The following PIP4K2A variants were observed in gnomAD, a reference collection of about 807,000 sequenced individuals.
PIP4K2A encodes phosphatidylinositol 5-phosphate 4-kinase type-2 alpha.
Under a neutral mutation model 42.9 loss-of-function variants are expected in PIP4K2A, and 14 were observed. That is an observed-to-expected ratio of 0.33 (90% confidence interval 0.22 to 0.51). The LOEUF (loss-of-function observed/expected upper bound fraction) is 0.51. Ranked by LOEUF, PIP4K2A falls within the 20% of genes least tolerant of loss-of-function variation. PIP4K2A has a pLI of 0.97. For missense variants in PIP4K2A, 434 were observed against 519.8 expected (o/e 0.83, Z 1.61); for synonymous variants, 192 against 192.2 (o/e 1.00, Z 0.01).
At chr10:22,551,510 T>C (rs1022983292) in intron 6 of PIP4K2A, among the ~76,000 whole-genome samples, 2 of 152,176 alleles carry the variant, frequency 1.3e-5, no homozygotes, top group Admixed American at 1.3e-4. Flanking sequence ...TATCAAAACA[T>C]GGATCATGAG....
At chr10:22,624,385 C>T (rs1469863844) in intron 1 of PIP4K2A, among the ~76,000 whole-genome samples, 1 of 152,148 alleles carries the variant, frequency 6.6e-6, no homozygotes, top group Non-Finnish European at 1.5e-5. Context: ...AAACACCAGT[C>T]AATATTTGAA....
At chr10:22,563,156 C>T (rs1431547990) in intron 6 of PIP4K2A, among the ~76,000 whole-genome samples, 1 of 152,158 alleles carries the variant, frequency 6.6e-6, no homozygotes, top group Non-Finnish European at 1.5e-5. Context: ...ATTTCCTTTT[C>T]CCCTTCCCAA....
intron 1 of PIP4K2A, among the ~76,000 whole-genome samples, chr10:22,662,454 C>A (rs574833752): frequency 1.8e-4 from 27 of 152,310 alleles, no homozygotes; most frequent in African/African-American, 6.3e-4. Flanking sequence ...TTTCCAAAGG[C>A]CAACCTCTAA....
chr10:22,587,895 A>G (rs1038934164), intron 4 of PIP4K2A, among the ~76,000 whole-genome samples: 9 of 152,232 alleles, frequency 5.9e-5, no homozygotes, highest in African/African-American at 1.9e-4. Context: ...ATCTTCCTTC[A>G]TGAACACCTG....
chr10:22,569,855 A>C (rs1836941937), intron 5 of PIP4K2A, among the ~76,000 whole-genome samples: 1 of 152,232 alleles, frequency 6.6e-6, no homozygotes, highest in Non-Finnish European at 1.5e-5. Flanking sequence ...AAGGAAGGCC[A>C]AGAGTTTAAG....
At chr10:22,660,624 CT>C (rs1839189231) in intron 1 of PIP4K2A, among the ~76,000 whole-genome samples, 2 of 152,100 alleles carry the variant, frequency 1.3e-5, no homozygotes, top group South Asian at 4.1e-4. Flanking sequence ...CCCTATCTCA[CT>C]TTGCACAAAA....
At chr10:22,601,167 A>AC (rs1837765895) in intron 3 of PIP4K2A, among the ~76,000 whole-genome samples, 1 of 124,674 alleles carries the variant, frequency 8.0e-6, no homozygotes, top group Admixed American at 8.8e-5. Flanking sequence ...AAAAAAACAA[A>AC]CCAGGAACAT....
intron 1 of PIP4K2A, among the ~76,000 whole-genome samples, chr10:22,629,211 A>G (rs1016347926): frequency 6.6e-6 from 1 of 152,208 alleles, no homozygotes; most frequent in African/African-American, 2.4e-5. Context: ...ACTGCCTCTA[A>G]ACATACACTA....
chr10:22,652,819 C>T (rs948940851), intron 1 of PIP4K2A, among the ~76,000 whole-genome samples: 4 of 152,190 alleles, frequency 2.6e-5, no homozygotes, highest in African/African-American at 7.2e-5. Context: ...AAGGGTCCAT[C>T]GCAGTGGCTC....
At chr10:22,692,226 C>A (rs868521828) in intron 1 of PIP4K2A, among the ~76,000 whole-genome samples, 2 of 151,888 alleles carry the variant, frequency 1.3e-5, no homozygotes, top group South Asian at 4.2e-4. Flanking sequence ...ACCTAGATTG[C>A]TCACGTGTGC....
chr10:22,597,261 G>A (rs1229902984), intron 3 of PIP4K2A, among the ~76,000 whole-genome samples: 2 of 152,194 alleles, frequency 1.3e-5, no homozygotes, highest in Non-Finnish European at 2.9e-5. Flanking sequence ...AGACCGTGCT[G>A]CTGAGCCCTG....
intron 1 of PIP4K2A, among the ~76,000 whole-genome samples, chr10:22,692,773 T>C (rs1267460989): frequency 6.6e-6 from 1 of 152,200 alleles, no homozygotes; most frequent in East Asian, 1.9e-4. Flanking sequence ...GTACAAGGTC[T>C]TTACTACCTA....
In PIP4K2A at chr10:22,710,614, C is replaced by T. The variant is rs114362688; in HGVS notation, c.144+3569G>A. ...TACAGAAAAGTCCCACGCACTCACA[C>T]ACCCACACACTCAAGCACCCAGCTC... On this transcript the variant is annotated intron_variant, in intron 1 of 9. Coordinates refer to ENST00000376573, the MANE Select transcript of PIP4K2A (RefSeq NM_005028.5). Among the ~76,000 whole-genome samples the T allele has an allele frequency of 2.6e-3, 398 of 152,302 alleles. 2 individuals are homozygous for T. Among genetic ancestry groups the T allele is most frequent in the African/African-American group, 9.3e-3 (387 of 41,566 alleles).
At chr10:22,661,349 C>CTT (rs374324575) in intron 1 of PIP4K2A, among the ~76,000 whole-genome samples, 14,262 of 99,646 alleles carry the variant, frequency 0.14, 1,662 homozygotes, top group Non-Finnish European at 0.22. Flanking sequence ...ATGATGCTGC[C>CTT]TTTTTTTTTT....
intron 1 of PIP4K2A, among the ~76,000 whole-genome samples, chr10:22,680,688 G>A (rs980976142): frequency 2.6e-5 from 4 of 152,190 alleles, no homozygotes. Flanking sequence ...AAGAACTCAA[G>A]GAGGCTCAAC....
At position 22,570,640 on chromosome 10, in the gene PIP4K2A, A is replaced by G. The variant is rs187366208; in HGVS notation, c.639+2671T>C. Among the ~76,000 whole-genome samples, 4 of 152,376 alleles carry G rather than the reference A, an allele frequency of 2.6e-5. No homozygotes were observed. The East Asian group carries it at 5.8e-4, about 22-fold the overall frequency. On this transcript the variant is annotated intron_variant, in intron 5 of 9. Transcript: ENST00000376573. ...CACTTAGACTAGCATTTCTCTAAGC[A>G]TGGTTCAGAACCCTGGGGTCCCAAG...
rs569524054 is a variant in PIP4K2A at position 22,623,172 on chromosome 10, TA to T, written c.145-13456del. 6.6e-4 allele frequency among the ~76,000 whole-genome samples: 99 copies of T among 150,066 alleles called. 1 individual carries two copies. Among genetic ancestry groups the T allele is most frequent in the African/African-American group, 1.9e-3 (79 of 40,926 alleles). Reference sequence around the variant, plus strand: ...AATGTGCTACCATTGACTTTTTTTTTAAAAAAAAAGGTTACACATTCATGTG... The same window carrying T: ...AATGTGCTACCATTGACTTTTTTTTTAAAAAAAAGGTTACACATTCATGTG... On this transcript the variant is annotated intron_variant, in intron 1 of 9. Transcript: ENST00000376573.
At chr10:22,629,743 AT>A (rs1215621202) in intron 1 of PIP4K2A, among the ~76,000 whole-genome samples, 1 of 152,124 alleles carries the variant, frequency 6.6e-6, no homozygotes, top group Non-Finnish European at 1.5e-5. Context: ...TCTAGAGGAA[AT>A]ATATTTCCTA....
intron 9 of PIP4K2A, 32 bp downstream of exon 9, chr10:22,539,921 GAGAGAGAGAGGGAGAGAA>G (rs753841208): frequency 1.0e-6 from 1 of 992,548 alleles, no homozygotes; most frequent in Non-Finnish European, 1.6e-6. Flanking sequence ...GGGAGAGAGA[GAGAGAGAGAGGGAGAGAA>G]AGAGAGAAGG....
Sources: gnomAD v4.1 joint callset for allele counts (sites outside exome capture counted in the v4.1 genomes callset) on GRCh38, gnomAD v4.1.1 for gene constraint, MANE v1.5 for transcripts, NCBI Gene and HGNC (gene_info 2026-07-23, HGNC 2026-07-21) for gene names.